The following DNAH12 variants were observed in gnomAD, a reference collection of about 807,000 sequenced individuals.
The protein encoded by DNAH12 is dynein axonemal heavy chain 12.
DNAH12 carries 285 observed loss-of-function variants against 371.5 expected under a neutral mutation model. The observed-to-expected ratio is 0.77, with a 90% CI of 0.70 to 0.85. DNAH12 has a LOEUF of 0.85. Among genes scored for constraint, DNAH12 ranks in the 40% least tolerant of loss-of-function variants. The probability of loss-of-function intolerance (pLI) is 0.00; values close to 1 mark genes in which losing one functional copy is unlikely to be tolerated. For synonymous variants in DNAH12, 1,200 were observed against 1,213.0 expected (o/e 0.99, Z 0.22); for missense variants, 3,611 against 3,689.4 (o/e 0.98, Z 0.55).
intron 2 of DNAH12, among the ~76,000 whole-genome samples, chr3:57,525,919 G>A (rs1017562953): frequency 6.6e-6 from 1 of 151,490 alleles, no homozygotes; most frequent in African/African-American, 2.4e-5. Flanking sequence ...AGGCTACCAG[G>A]CCTGGCTAAT....
rs1290110461 is a variant in DNAH12 at position 57,322,395 on chromosome 3, G to A, written c.10472C>T (p.Thr3491Ile). The change falls in exon 65 of 74, where the codon ACT becomes ATT. Residue 3491 changes from threonine to isoleucine, a missense_variant. Thr to Ile is a moderately conservative substitution (Grantham distance 89). Coordinates refer to ENST00000495027, the MANE Select transcript of DNAH12 (RefSeq NM_001366028.2). ...LRLNLLQSYL[T>I]DPVSDPEFFK... ...AAACTCAGGATCAGAAACTGGATCAGTGAGATATGATTGAAGGAGATTCAG... is the reference window on the plus strand; with the variant it reads ...AAACTCAGGATCAGAAACTGGATCAATGAGATATGATTGAAGGAGATTCAG... 1.3e-6 allele frequency: 2 copies of A among 1,552,086 alleles called. No individual in the cohort carries two copies. Among genetic ancestry groups the A allele is most frequent in the Non-Finnish European group, 1.7e-6 (2 of 1,147,060 alleles).
chr3:57,541,152 G>T (rs1210991591), intron 2 of DNAH12, among the ~76,000 whole-genome samples: 2 of 151,458 alleles, frequency 1.3e-5, no homozygotes, highest in African/African-American at 4.9e-5. Context: ...AGATTCTCCT[G>T]CCTCCGCCTC....
intron 32 of DNAH12, among the ~76,000 whole-genome samples, chr3:57,430,532 C>G (rs1340742886): frequency 8.5e-5 from 13 of 152,098 alleles, no homozygotes. Context: ...CTTCTTTTAT[C>G]AAATATGTCA....
chr3:57,453,313 T>C lies in DNAH12; in HGVS notation c.3547A>G (p.Thr1183Ala), dbSNP rs1357749298. The C allele has an allele frequency of 5.2e-6, 8 of 1,550,924 alleles. No homozygotes were observed. The highest frequency in any genetic ancestry group is 7.0e-6 in the Non-Finnish European group (8 of 1,146,784). Residue 1183 changes from threonine to alanine, a missense_variant, in exon 24 of 74, where the codon ACT (threonine) becomes GCT (alanine). Around this residue, in one of 3 missense-constraint regions of DNAH12, gnomAD observed 1,314 missense variants for 1,398.7 expected, o/e 0.94. Transcript: ENST00000495027. ...TCAATAGTAACCAAAGCCCCCAGAG[T>C]GGTCCTGGTCTGCTTAGACAACTTT... is the stretch of plus-strand genomic sequence containing the variant. ...RGKLSKQTRT[T>A]LGALVTIDVH...
chr3:57,506,129 G>A (rs1208278325), intron 8 of DNAH12, among the ~76,000 whole-genome samples: 1 of 152,078 alleles, frequency 6.6e-6, no homozygotes, highest in African/African-American at 2.4e-5. Flanking sequence ...TCTGTCCCTG[G>A]TACAGAAAAT....
intron 43 of DNAH12, among the ~76,000 whole-genome samples, chr3:57,398,182 G>C (rs1341905347): frequency 9.9e-5 from 15 of 152,240 alleles, no homozygotes; most frequent in Admixed American, 8.5e-4. Context: ...TGATTGGGCA[G>C]AATCAAGAGT....
chr3:57,308,084 G>A (rs969480710), intron 69 of DNAH12, among the ~76,000 whole-genome samples: 12 of 152,022 alleles, frequency 7.9e-5, no homozygotes, highest in East Asian at 3.9e-4. Flanking sequence ...ATTTGCCCCC[G>A]CCCAGGACTG....
chr3:57,480,819 C>T (rs2066714748), intron 13 of DNAH12, among the ~76,000 whole-genome samples: 1 of 152,110 alleles, frequency 6.6e-6, no homozygotes, highest in South Asian at 2.1e-4. Context: ...AGACAAAAAC[C>T]ATATGATTAT....
intron 60 of DNAH12, 69 bp downstream of exon 60, chr3:57,352,014 CAT>C (rs2062687420): frequency 7.2e-7 from 1 of 1,382,164 alleles, no homozygotes; most frequent in East Asian, 2.6e-5. Context: ...TGTGAGAAGA[CAT>C]ATTCACAGAT....
intron 30 of DNAH12, among the ~76,000 whole-genome samples, chr3:57,436,700 AGT>A (rs2065136655): frequency 6.6e-6 from 1 of 152,136 alleles, no homozygotes; most frequent in African/African-American, 2.4e-5. Context: ...GGAAGGGAAG[AGT>A]GTGTTTTTAT....
chr3:57,537,842 G>A (rs1162782155), intron 2 of DNAH12, among the ~76,000 whole-genome samples: 1 of 151,874 alleles, frequency 6.6e-6, no homozygotes, highest in Non-Finnish European at 1.5e-5. Flanking sequence ...GCACTACCAC[G>A]CCCAGCTAAT....
At chr3:57,534,943 T>C (rs2068978183) in intron 2 of DNAH12, among the ~76,000 whole-genome samples, 1 of 152,254 alleles carries the variant, frequency 6.6e-6, no homozygotes, top group Admixed American at 6.5e-5. Flanking sequence ...ATTATTCCTG[T>C]CAATGAATTA....
chr3:57,341,223 T>A (rs1189698642), intron 60 of DNAH12, among the ~76,000 whole-genome samples: 1 of 148,336 alleles, frequency 6.7e-6, no homozygotes, highest in Non-Finnish European at 1.5e-5. Flanking sequence ...TTATTCAACA[T>A]ATTAATAGTA....
rs1399820682 is a variant in DNAH12, at chr3:57,502,350, C to G, written c.1216G>C (p.Gly406Arg). The G allele has an allele frequency of 6.8e-6, 11 of 1,614,062 alleles. No individual in the cohort carries two copies. The highest frequency in any genetic ancestry group is 9.3e-6 in the Non-Finnish European group (11 of 1,179,994). ...LKAAVHRNLE[G>R]ARKHYETYVE... Reference sequence around the variant, plus strand: ...TATGTCTCATAATGCTTTCTTGCACCTTCTAAGTTCCGATGTACTGCTGCC... The same window carrying G: ...TATGTCTCATAATGCTTTCTTGCACGTTCTAAGTTCCGATGTACTGCTGCC... The change falls in exon 10 of 74, where the codon GGT becomes CGT. Residue 406 changes from glycine (G) to arginine (R), a missense_variant. Gly to Arg is a moderately radical substitution (Grantham distance 125). This residue lies in a region of DNAH12 where 1,314 missense variants were observed against 1,398.7 expected (regional missense o/e 0.94). Coordinates refer to ENST00000495027, the MANE Select transcript of DNAH12 (RefSeq NM_001366028.2).
At chr3:57,352,905 A>G (rs1188298976) in intron 59 of DNAH12, among the ~76,000 whole-genome samples, 22 of 152,056 alleles carry the variant, frequency 1.4e-4, no homozygotes, top group Admixed American at 1.4e-3. Context: ...CCTGGTCAAC[A>G]TGGTGAAACC....
At chr3:57,359,039 C>G (rs1208340069) in intron 58 of DNAH12, among the ~76,000 whole-genome samples, 2 of 152,174 alleles carry the variant, frequency 1.3e-5, no homozygotes, top group Admixed American at 1.3e-4. Context: ...CTGCTTTGGC[C>G]TCCCAAAGTG....
intron 43 of DNAH12, among the ~76,000 whole-genome samples, chr3:57,396,462 A>T (rs949742445): frequency 1.3e-5 from 2 of 151,386 alleles, no homozygotes; most frequent in Admixed American, 1.3e-4. Context: ...CAGTGGCATG[A>T]TCTTGGCTCA....
At chr3:57,359,332 G>T (rs2062868867) in intron 58 of DNAH12, among the ~76,000 whole-genome samples, 1 of 151,754 alleles carries the variant, frequency 6.6e-6, no homozygotes, top group Non-Finnish European at 1.5e-5. Flanking sequence ...GGCTGAGGCG[G>T]GTGGATCATC....
intron 28 of DNAH12, 24 bp from the exon 29 acceptor site, chr3:57,444,840 T>C (rs750331795): frequency 3.9e-6 from 6 of 1,532,210 alleles, no homozygotes; most frequent in South Asian, 3.7e-5. Flanking sequence ...AAAAGTACAA[T>C]GTTAAGTTAG....
Sources: gnomAD v4.1 joint callset for allele counts (sites outside exome capture counted in the v4.1 genomes callset) on GRCh38, gnomAD v4.1.1 for gene constraint, gnomAD v4.1.1 regional missense constraint, MANE v1.5 for transcripts, NCBI Gene and HGNC (gene_info 2026-07-23, HGNC 2026-07-21) for gene names.